PEPD: variants seen among roughly 807,000 people sequenced by gnomAD.
PEPD encodes peptidase D.
PEPD carries 53 observed loss-of-function variants against 60.7 expected under a neutral mutation model. That is an observed-to-expected ratio of 0.87 (90% CI 0.70 to 1.10). PEPD has a LOEUF of 1.10. PEPD is among the 50% of genes least tolerant of loss of function. The probability of loss-of-function intolerance (pLI) is 0.00; values close to 1 mark genes in which losing one functional copy is unlikely to be tolerated. For missense variants in PEPD, 711 were observed against 711.9 expected, an observed-to-expected ratio of 1.00 and a Z score of 0.01; for synonymous variants, 267 against 284.1, an observed-to-expected ratio of 0.94 and a Z score of 0.60.
intron 9 of PEPD, among the ~76,000 whole-genome samples, chr19:33,431,041 A>T (rs1260209497): frequency 1.3e-5 from 2 of 152,070 alleles, no homozygotes; most frequent in Admixed American, 6.5e-5. Context: ...TGAGCCCAGG[A>T]GGTCGAGGCA....
intron 12 of PEPD, among the ~76,000 whole-genome samples, chr19:33,394,479 G>C (rs1470064786): frequency 6.6e-6 from 1 of 152,248 alleles, no homozygotes; most frequent in African/African-American, 2.4e-5. Flanking sequence ...TCTTGGCCGG[G>C]AGCAGGGAGT....
chr19:33,417,908 C>T (rs1734531317), intron 9 of PEPD, among the ~76,000 whole-genome samples: 1 of 152,210 alleles, frequency 6.6e-6, no homozygotes, highest in Non-Finnish European at 1.5e-5. Flanking sequence ...TGGGCCCACA[C>T]ACTCCCAGCA....
At chr19:33,470,882 C>T (rs538519360) in intron 7 of PEPD, among the ~76,000 whole-genome samples, 3 of 152,262 alleles carry the variant, frequency 2.0e-5, no homozygotes, top group South Asian at 4.1e-4. Flanking sequence ...GCCACTGCCT[C>T]GTCCCAGTCC....
In PEPD at chr19:33,401,849, T is replaced by G. The variant is rs2145347051; in HGVS notation, c.839A>C (p.Glu280Ala). The change falls in exon 12 of 15, where the codon GAG (glutamate) becomes GCG (alanine). Residue 280 changes from glutamate (E) to alanine (A), a missense_variant. By Grantham distance (107) the Glu-to-Ala change is moderately radical (BLOSUM62 -1). Transcript: ENST00000244137. ...GATGTCGGAAGCGAAGCAGTAATAC[T>G]CACCGCCCATGTCGAACAGGCTGCG... Reference protein sequence around the residue: ...GDMCLFDMGGEYYCFASDITC... With the variant: ...GDMCLFDMGGAYYCFASDITC... 2 of 1,613,190 alleles carry G rather than the reference T, an allele frequency of 1.2e-6. No homozygotes were observed. The highest frequency in any genetic ancestry group is 8.5e-7 in the Non-Finnish European group (1 of 1,179,948).
At chr19:33,451,976 G>C (rs1969708669) in intron 9 of PEPD, among the ~76,000 whole-genome samples, 1 of 151,992 alleles carries the variant, frequency 6.6e-6, no homozygotes, top group Admixed American at 6.6e-5. Flanking sequence ...ATAGGGGAGG[G>C]GGCAGAGGAC....
At chr19:33,413,431 A>G (rs1053333106) in intron 10 of PEPD, 144 bp downstream of exon 10, 1 of 644,954 alleles carries the variant, frequency 1.6e-6, no homozygotes, top group African/African-American at 1.8e-5. Context: ...GGGAGGAGCG[A>G]CTTCCAAGCT....
intron 7 of PEPD, among the ~76,000 whole-genome samples, chr19:33,469,864 C>A (rs986662717): frequency 6.6e-6 from 1 of 151,812 alleles, no homozygotes; most frequent in Admixed American, 6.6e-5. Context: ...CCCCTCTTTG[C>A]TTCTCTCTTC....
intron 6 of PEPD, among the ~76,000 whole-genome samples, chr19:33,478,342 T>C (rs1970259933): frequency 6.6e-6 from 1 of 152,112 alleles, no homozygotes; most frequent in Non-Finnish European, 1.5e-5. Context: ...TGATCCCCAC[T>C]AGGCAGACAG....
At chr19:33,447,657 C>T (rs1174079119) in intron 9 of PEPD, among the ~76,000 whole-genome samples, 3 of 152,212 alleles carry the variant, frequency 2.0e-5, no homozygotes, top group Non-Finnish European at 2.9e-5. Flanking sequence ...GAGGGAGCTG[C>T]GAGAGGACGG....
chr19:33,398,867 C>T (rs1051314721), intron 12 of PEPD, among the ~76,000 whole-genome samples: 6 of 152,222 alleles, frequency 3.9e-5, no homozygotes, highest in Non-Finnish European at 8.8e-5. Context: ...TTCACGCTCT[C>T]ACTCCCTCTT....
At chr19:33,395,681 T>C (rs980021336) in intron 12 of PEPD, among the ~76,000 whole-genome samples, 1 of 152,256 alleles carries the variant, frequency 6.6e-6, no homozygotes, top group Non-Finnish European at 1.5e-5. Flanking sequence ...CGAGGCCTCC[T>C]ACCCGGAGTG....
intron 9 of PEPD, among the ~76,000 whole-genome samples, chr19:33,449,236 G>C (rs1245847822): frequency 6.6e-6 from 1 of 152,196 alleles, no homozygotes. Flanking sequence ...AGCTCCTCTG[G>C]GGTCGCCCAT....
intron 9 of PEPD, among the ~76,000 whole-genome samples, chr19:33,415,996 G>A (rs1225379805): frequency 2.0e-5 from 3 of 152,248 alleles, no homozygotes; most frequent in African/African-American, 7.2e-5. Flanking sequence ...CAGACTTTAG[G>A]CTTGGGGTGT....
intron 9 of PEPD, among the ~76,000 whole-genome samples, chr19:33,421,710 G>A (rs537369571): frequency 1.4e-3 from 206 of 152,174 alleles, no homozygotes; most frequent in Non-Finnish European, 2.5e-3. Context: ...GCCCAGGCTG[G>A]TTTGGAACTC....
At chr19:33,460,781 C>T (rs1969911233) in intron 9 of PEPD, among the ~76,000 whole-genome samples, 1 of 152,210 alleles carries the variant, frequency 6.6e-6, no homozygotes, top group Non-Finnish European at 1.5e-5. Flanking sequence ...TGGCTGAGAG[C>T]TTCCCGGTGC....
intron 7 of PEPD, among the ~76,000 whole-genome samples, chr19:33,473,538 A>G (rs1177669988): frequency 7.7e-6 from 1 of 130,316 alleles, no homozygotes; most frequent in Non-Finnish European, 1.9e-5. Context: ...TCAATTTAAC[A>G]CAGTCTCGCT....
intron 5 of PEPD, among the ~76,000 whole-genome samples, chr19:33,492,980 A>G (rs1268183813): frequency 1.3e-5 from 2 of 152,054 alleles, no homozygotes; most frequent in Non-Finnish European, 2.9e-5. Context: ...GGGCTCAAGC[A>G]CGCCTCCCAC....
At chr19:33,427,220 A>C (rs1466770450) in intron 9 of PEPD, among the ~76,000 whole-genome samples, 1 of 152,044 alleles carries the variant, frequency 6.6e-6, no homozygotes, top group Non-Finnish European at 1.5e-5. Flanking sequence ...CCAGGGATGC[A>C]CTCCAAGCAT....
intron 6 of PEPD, among the ~76,000 whole-genome samples, chr19:33,481,214 T>C (rs1184847386): frequency 6.6e-6 from 1 of 151,938 alleles, no homozygotes; most frequent in Non-Finnish European, 1.5e-5. Context: ...CAGTAACAAA[T>C]TGGATAACCT....
Sources: allele counts gnomAD v4.1 joint callset (sites outside exome capture counted in the v4.1 genomes callset), GRCh38; gene constraint gnomAD v4.1.1; transcripts MANE v1.5; gene names NCBI Gene and HGNC (gene_info 2026-07-23, HGNC 2026-07-21).